The following GNA11 variants were observed in gnomAD, a reference collection of about 807,000 sequenced individuals.
The protein encoded by GNA11 is G protein subunit alpha 11.
GNA11 carries 8 observed loss-of-function variants against 38.2 expected under a neutral mutation model. That is an observed-to-expected ratio of 0.21 (90% CI 0.12 to 0.38). GNA11 has a LOEUF of 0.38. Among genes scored for constraint, GNA11 ranks in the 10% least tolerant of loss-of-function variants. The probability of loss-of-function intolerance (pLI) is 1.00; values close to 1 mark genes in which losing one functional copy is unlikely to be tolerated. For synonymous variants in GNA11, 211 were observed against 221.4 expected (o/e 0.95, Z 0.42); for missense variants, 268 against 516.3 (o/e 0.52, Z 4.66).
At chr19:3,106,649 A>T in intron 1 of GNA11, among the ~76,000 whole-genome samples, 1 of 48,150 alleles carries the variant, frequency 2.1e-5, no homozygotes, top group East Asian at 4.7e-4. Flanking sequence ...ACATGGGTTA[A>T]CATGCCAGCC....
rs1599304499 is a variant in GNA11 at position 3,114,328 on chromosome 19, G to A, written c.477-616G>A. Among the ~76,000 whole-genome samples, 4 of 152,228 alleles carry A rather than the reference G, an allele frequency of 2.6e-5. No homozygotes were observed. The South Asian group carries it at 6.2e-4, about 24-fold the overall frequency. Reference sequence around the variant, plus strand: ...CAGGACTGCCCAGGGCGTCAAAAACGGGAAACTGTCCCAACCCAGAGGGCT... The same window carrying A: ...CAGGACTGCCCAGGGCGTCAAAAACAGGAAACTGTCCCAACCCAGAGGGCT... On this transcript the variant is annotated intron_variant, in intron 3 of 6. Transcript: ENST00000078429.
At chr19:3,103,519 C>CGTTTTTTTTTTTTT (rs1370578226) in intron 1 of GNA11, among the ~76,000 whole-genome samples, 1 of 45,800 alleles carries the variant, frequency 2.2e-5, no homozygotes. Context: ...GGCCTTGAAT[C>CGTTTTTTTTTTTTT]TTTTTTTTTT....
At chr19:3,100,694 GCCTGGGCTGC>G (rs896815861) in intron 1 of GNA11, among the ~76,000 whole-genome samples, 1 of 152,184 alleles carries the variant, frequency 6.6e-6, no homozygotes, top group African/African-American at 2.4e-5. Flanking sequence ...CCTGCCTGTG[GCCTGGGCTGC>G]CCTGGGCTGG....
rs979547706 is a variant in GNA11 at position 3,123,176 on chromosome 19, T to G, written c.*1997T>G. The G allele has an allele frequency of 8.6e-6, 2 of 233,156 alleles. No homozygotes were observed. The highest frequency in any genetic ancestry group is 8.5e-6 in the Non-Finnish European group (1 of 118,076). 14.4% of individuals were successfully genotyped at this position (233,156 alleles called of 1,614,324 possible). On this transcript the variant is annotated 3_prime_UTR_variant, in exon 7 of 7. Coordinates refer to ENST00000078429, the MANE Select transcript of GNA11 (RefSeq NM_002067.5). ...TTGTGGCATCTCTGAGGGCCTAGAT[T>G]GCACAAGGTGACCTGGCCGTGGCCT...
intron 1 of GNA11, among the ~76,000 whole-genome samples, chr19:3,109,186 C>G (rs530511756): frequency 6.6e-6 from 1 of 152,286 alleles, no homozygotes; most frequent in East Asian, 1.9e-4. Context: ...GGCATCCCAG[C>G]GTGTGAGGGT....
chr19:3,102,738 C>T (rs1913536444), intron 1 of GNA11, among the ~76,000 whole-genome samples: 1 of 152,160 alleles, frequency 6.6e-6, no homozygotes, highest in Non-Finnish European at 1.5e-5. Context: ...GGATGAGGGG[C>T]GTCCGTCCTC....
At chr19:3,103,887 G>T (rs1024865429) in intron 1 of GNA11, among the ~76,000 whole-genome samples, 1 of 151,916 alleles carries the variant, frequency 6.6e-6, no homozygotes, top group African/African-American at 2.4e-5. Context: ...CGGTTTCACC[G>T]TGTTAGCCAG....
chr19:3,109,187 G>A (rs746597736), intron 1 of GNA11, among the ~76,000 whole-genome samples: 15 of 152,250 alleles, frequency 9.9e-5, no homozygotes, highest in Admixed American at 2.0e-4. Flanking sequence ...GCATCCCAGC[G>A]TGTGAGGGTG....
At chr19:3,101,166 G>T (rs1913494772) in intron 1 of GNA11, among the ~76,000 whole-genome samples, 1 of 152,214 alleles carries the variant, frequency 6.6e-6, no homozygotes, top group South Asian at 2.1e-4. Flanking sequence ...GAGTGGGGTG[G>T]GGGGCTGAAG....
chr19:3,122,577 A>C lies in GNA11; in HGVS notation c.*1398A>C, dbSNP rs988136232. 5 of 232,660 alleles carry C rather than the reference A, an allele frequency of 2.1e-5. No homozygotes were observed. Among genetic ancestry groups the C allele is most frequent in the African/African-American group, 1.1e-4 (5 of 45,164 alleles). 14.4% of individuals were successfully genotyped at this position (232,660 alleles called of 1,614,324 possible). A position where few individuals can be genotyped will look rare whatever the true frequency, so the allele number is the denominator to read the frequency against. ...GGGAACGAGGGGACTGTGTTTGGGG[A>C]GGTGGCTTTTTCGTCTGCTGTTGAC... On this transcript the variant is annotated 3_prime_UTR_variant, in exon 7 of 7. Coordinates refer to ENST00000078429, the MANE Select transcript of GNA11 (RefSeq NM_002067.5). The surrounding 1 kb of genome is among the most constrained non-coding windows in gnomAD (Gnocchi z 7.7).
intron 1 of GNA11, among the ~76,000 whole-genome samples, chr19:3,109,313 T>C (rs931022235): frequency 3.2e-4 from 48 of 152,224 alleles, no homozygotes; most frequent in African/African-American, 1.1e-3. Flanking sequence ...GGGGCTCATC[T>C]GGAGGCTGGG....
intron 1 of GNA11, among the ~76,000 whole-genome samples, chr19:3,099,296 T>A (rs1273204862): frequency 6.6e-6 from 1 of 152,160 alleles, no homozygotes; most frequent in Non-Finnish European, 1.5e-5. Flanking sequence ...TTCTCCCCAC[T>A]GGGCACCCCA....
At chr19:3,100,253 G>A (rs10413211) in intron 1 of GNA11, among the ~76,000 whole-genome samples, 11,635 of 152,150 alleles carry the variant, frequency 0.076, 784 homozygotes, top group African/African-American at 0.18. Context: ...ACTGAGCAGC[G>A]TCCCTGGCCT....
intron 3 of GNA11, 77 bp from the exon 4 acceptor site, chr19:3,114,867 G>A (rs1204713649): frequency 1.5e-5 from 22 of 1,426,408 alleles, no homozygotes; most frequent in Non-Finnish European, 1.9e-5. Context: ...CCGTCCTCCC[G>A]CTGGTTTGGG....
chr19:3,116,664 G>A lies in GNA11; in HGVS notation c.605+1592G>A, dbSNP rs553631329. 1.2e-3 allele frequency among the ~76,000 whole-genome samples: 182 copies of A among 152,358 alleles called. 1 individual carries two copies. The highest frequency in any genetic ancestry group is 2.2e-3 in the Non-Finnish European group (152 of 68,032). On this transcript the variant is annotated intron_variant, in intron 4 of 6. Coordinates refer to ENST00000078429, the MANE Select transcript of GNA11 (RefSeq NM_002067.5). The stretch of plus-strand genomic sequence containing the variant: ...GTTTCCAGATCAGAGCCGTCCCCGG[G>A]TTCTGGTGTTCGTGCGTGTGGGGCG...
intron 3 of GNA11, among the ~76,000 whole-genome samples, chr19:3,114,736 G>A (rs1913862872): frequency 6.6e-6 from 1 of 152,324 alleles, no homozygotes; most frequent in Middle Eastern, 3.4e-3. Context: ...ACCCCAGAGA[G>A]GATAGAGGTT....
chr19:3,097,570 C>T (rs1426474521), intron 1 of GNA11, among the ~76,000 whole-genome samples: 3 of 152,220 alleles, frequency 2.0e-5, no homozygotes, highest in Admixed American at 6.5e-5. Flanking sequence ...GGAAGAACGC[C>T]GCGTCTGCTC....
At position 3,108,246 on chromosome 19, in the gene GNA11, C is replaced by T. The variant is rs926918909; in HGVS notation, c.137-1903C>T. Among the ~76,000 whole-genome samples the T allele has an allele frequency of 2.0e-5, 3 of 152,300 alleles. No homozygotes were observed. Among genetic ancestry groups the T allele is most frequent in the Non-Finnish European group, 2.9e-5 (2 of 68,030 alleles). ...ATGCAGCCTGTCTCATCTCTAGGAG[C>T]TGCCAGGTGAGGGGTCCTGCGACAG... is the stretch of plus-strand genomic sequence containing the variant. On this transcript the variant is annotated intron_variant, in intron 1 of 6. Transcript: ENST00000078429. This position sits in a 1 kb window ranked among gnomAD's most constrained non-coding sequence, Gnocchi z 4.5.
Position 3,120,131 on chromosome 19 carries a change from C to CG in GNA11, c.889+775dup, listed in dbSNP as rs1246652212. On this transcript the variant is annotated intron_variant, in intron 6 of 6. Coordinates refer to ENST00000078429, the MANE Select transcript of GNA11 (RefSeq NM_002067.5). The surrounding 1 kb of genome is among the most constrained non-coding windows in gnomAD (Gnocchi z 5.9). ...GGATCTGTGCTCCTCCCGTGAGTCT[C>CG]GGGTGTCATCTTCGGGAGGGCCCCT... 6.6e-6 allele frequency among the ~76,000 whole-genome samples: 1 copy of CG among 152,126 alleles called. No homozygotes were observed. The highest frequency in any genetic ancestry group is 1.5e-5 in the Non-Finnish European group (1 of 68,004).
Sources: gnomAD v4.1 joint callset for allele counts (sites outside exome capture counted in the v4.1 genomes callset) on GRCh38, gnomAD v4.1.1 for gene constraint, Gnocchi (gnomAD v3.1) non-coding constraint, MANE v1.5 for transcripts, NCBI Gene and HGNC (gene_info 2026-07-23, HGNC 2026-07-21) for gene names.